SLC25A28: variants seen among roughly 807,000 people sequenced by gnomAD.
The protein encoded by SLC25A28 is mitoferrin-2.
SLC25A28 carries 10 observed loss-of-function variants against 31.9 expected under a neutral mutation model. That is an observed-to-expected ratio of 0.31 (90% CI 0.19 to 0.53). SLC25A28 has a LOEUF of 0.53. SLC25A28 is among the 20% of genes least tolerant of loss of function. SLC25A28 has a pLI of 0.95. For synonymous variants in SLC25A28, 208 were observed against 203.6 expected, an observed-to-expected ratio of 1.02 and a Z score of -0.19; for missense variants, 256 against 490.3, an observed-to-expected ratio of 0.52 and a Z score of 4.51.
At chr10:99,626,757 C>T in the SLC25A28 span, among the ~76,000 whole-genome samples, 62,977 of 151,082 alleles carry the variant, frequency 0.42, 13,268 homozygotes, top group East Asian at 0.55. Context: ...ATTCTGTGTA[C>T]ATAAATATGG....
At chr10:99,652,756 T>G in the SLC25A28 span, among the ~76,000 whole-genome samples, 1 of 152,166 alleles carries the variant, frequency 6.6e-6, no homozygotes, top group Non-Finnish European at 1.5e-5. Flanking sequence ...CTCACCCTGG[T>G]CTCTCTGAGG....
chr10:99,630,398 T>C, the SLC25A28 span, among the ~76,000 whole-genome samples: 3 of 152,080 alleles, frequency 2.0e-5, no homozygotes, highest in Non-Finnish European at 4.4e-5. Flanking sequence ...CCTCCCAAAG[T>C]GCTGGGATTA....
the SLC25A28 span, among the ~76,000 whole-genome samples, chr10:99,645,660 T>G: frequency 6.6e-6 from 1 of 152,246 alleles, no homozygotes; most frequent in Non-Finnish European, 1.5e-5. Context: ...TTTTCAGCTT[T>G]TCTGCTCTGG....
intron 1 of SLC25A28, chr10:99,618,183 C>A (rs2034701485): frequency 1.2e-6 from 1 of 816,656 alleles, no homozygotes; most frequent in South Asian, 5.6e-5. Flanking sequence ...ATTCTAGAAG[C>A]ATTTTTAACA....
At chr10:99,635,755 TTAAAG>T in the SLC25A28 span, among the ~76,000 whole-genome samples, 1 of 151,070 alleles carries the variant, frequency 6.6e-6, no homozygotes, top group Non-Finnish European at 1.5e-5. Context: ...TCACATAAAC[TTAAAG>T]TAAAGGGGTG....
rs185494312 is a variant in SLC25A28 at position 99,612,430 on chromosome 10, G to C, written c.577+113C>G. 58 of 1,224,330 alleles carry C rather than the reference G, an allele frequency of 4.7e-5. No homozygotes were observed. The East Asian group carries it at 1.3e-3, about 28-fold the overall frequency. The allele number at this position is 1,224,330 out of a possible 1,614,324, so 75.8% of individuals were successfully genotyped here. ...AAAAACATGGAGGGAGCACCCTCTA[G>C]TGGTAAAACAAGGTAACAGAATTTC... On this transcript the variant is annotated intron_variant, in intron 3 of 3. Transcript: ENST00000370495.
chr10:99,636,134 T>C, the SLC25A28 span, among the ~76,000 whole-genome samples: 96 of 152,310 alleles, frequency 6.3e-4, no homozygotes, highest in African/African-American at 2.3e-3. Context: ...TTAACAGATA[T>C]ATACAGAACA....
chr10:99,635,417 C>A, the SLC25A28 span, among the ~76,000 whole-genome samples: 1 of 152,184 alleles, frequency 6.6e-6, no homozygotes, highest in Admixed American at 6.5e-5. Flanking sequence ...CACGATGGCT[C>A]ACACCTGTAA....
intron 1 of SLC25A28, among the ~76,000 whole-genome samples, chr10:99,615,109 C>T (rs1483259796): frequency 4.6e-5 from 7 of 152,144 alleles, no homozygotes; most frequent in Non-Finnish European, 7.4e-5. Flanking sequence ...AATCCCAGCA[C>T]TTTGAGAGGC....
the SLC25A28 span, among the ~76,000 whole-genome samples, chr10:99,646,145 C>T: frequency 2.6e-5 from 4 of 152,222 alleles, no homozygotes; most frequent in African/African-American, 4.8e-5. Flanking sequence ...TCAGCTATGG[C>T]CTGCCCCCAG....
the SLC25A28 span, among the ~76,000 whole-genome samples, chr10:99,646,350 C>T: frequency 6.6e-6 from 1 of 152,222 alleles, no homozygotes; most frequent in Admixed American, 6.5e-5. Flanking sequence ...GGCGTGGGAC[C>T]CTCTAAGCCA....
chr10:99,619,102 TC>T, intron 1 of SLC25A28: 1 of 985,470 alleles, frequency 1.0e-6, no homozygotes, highest in Non-Finnish European at 1.2e-6. Context: ...ATAATCTGTT[TC>T]TTTCTTCACC....
At chr10:99,612,710 C>T (rs577566498) in intron 2 of SLC25A28, 111 bp from the exon 3 acceptor site, 1 of 1,218,880 alleles carries the variant, frequency 8.2e-7, no homozygotes, top group Non-Finnish European at 1.2e-6. Flanking sequence ...GGAAAAGTAA[C>T]GTTAAGAGCT....
In SLC25A28 at chr10:99,612,616, A is replaced by T; in HGVS notation, c.521-17T>A. ...CGGCCGCACCTGCAAACAAGAAAAC[A>T]ACTGCCACATGTAAGGCCAAGAGAG... On this transcript the variant is annotated splice_polypyrimidine_tract_variant and intron_variant, in intron 2 of 3. Transcript: ENST00000370495. The T allele has an allele frequency of 6.2e-7, 1 of 1,614,140 alleles. No homozygotes were observed. The highest frequency in any genetic ancestry group is 8.5e-7 in the Non-Finnish European group (1 of 1,180,012).
upstream of SLC25A28, among the ~76,000 whole-genome samples, chr10:99,623,934 C>T (rs770102001): frequency 1.4e-4 from 21 of 152,192 alleles, no homozygotes; most frequent in Admixed American, 5.2e-4. Context: ...CATAAACTAG[C>T]CCAGTACTTC....
intron 1 of SLC25A28, chr10:99,616,850 G>C: frequency 1.1e-6 from 1 of 921,104 alleles, no homozygotes. Context: ...AATGAAAATG[G>C]TTTCTACTTC....
At chr10:99,626,076 T>C in the SLC25A28 span, among the ~76,000 whole-genome samples, 1 of 152,224 alleles carries the variant, frequency 6.6e-6, no homozygotes, top group Non-Finnish European at 1.5e-5. Context: ...TTCTCATTAT[T>C]GAAGGTTCAA....
chr10:99,617,884 G>A, intron 1 of SLC25A28: 6 of 666,772 alleles, frequency 9.0e-6, no homozygotes, highest in Non-Finnish European at 1.1e-5. Flanking sequence ...CTTCAAAATA[G>A]TTACCTTGGA....
chr10:99,621,074 C>A (rs1469749076), upstream of SLC25A28: 2 of 797,370 alleles, frequency 2.5e-6, no homozygotes, highest in East Asian at 1.3e-4. Flanking sequence ...GGCCGGTCAT[C>A]CCTGGCTGGC....
Sources: allele counts gnomAD v4.1 joint callset (sites outside exome capture counted in the v4.1 genomes callset), GRCh38; gene constraint gnomAD v4.1.1; transcripts MANE v1.5; gene names NCBI Gene and HGNC (gene_info 2026-07-23, HGNC 2026-07-21).